STARD10: variants seen among roughly 807,000 people sequenced by gnomAD.
STARD10 encodes START domain-containing protein 10.
A neutral mutation model predicts 36.0 loss-of-function variants in STARD10; 24 were observed. The observed-to-expected ratio is 0.67, with a 90% CI of 0.48 to 0.94. The LOEUF is 0.94. Ranked by LOEUF, STARD10 falls within the 40% of genes least tolerant of loss-of-function variation. The pLI is 0.00. For synonymous variants in STARD10, 156 were observed against 161.9 expected, an observed-to-expected ratio of 0.96 and a Z score of 0.28; for missense variants, 335 against 396.6, an observed-to-expected ratio of 0.84 and a Z score of 1.32.
intron 2 of STARD10, among the ~76,000 whole-genome samples, chr11:72,761,781 G>A (rs910503026): frequency 1.3e-5 from 2 of 151,608 alleles, no homozygotes; most frequent in African/African-American, 4.8e-5. Flanking sequence ...AACCTCAATT[G>A]GGGGAAAAAA....
intron 2 of STARD10, chr11:72,766,093 A>G (rs891832500): frequency 1.2e-4 from 18 of 151,810 alleles, no homozygotes; most frequent in Non-Finnish European, 2.5e-4. Context: ...CCCCCTTCTC[A>G]CTACTGCATT....
chr11:72,758,966 T>G (rs1226226684), intron 3 of STARD10, among the ~76,000 whole-genome samples: 1 of 152,134 alleles, frequency 6.6e-6, no homozygotes, highest in Non-Finnish European at 1.5e-5. Flanking sequence ...ATGTGGCATG[T>G]GGGTGGGGGC....
chr11:72,762,013 C>G (rs1302894708), intron 2 of STARD10, among the ~76,000 whole-genome samples: 1 of 145,634 alleles, frequency 6.9e-6, no homozygotes, highest in East Asian at 2.0e-4. Flanking sequence ...GCAACCTACG[C>G]CTCCCGGGTT....
At chr11:72,786,449 C>T (rs768304241) in intron 1 of STARD10, among the ~76,000 whole-genome samples, 16 of 152,286 alleles carry the variant, frequency 1.1e-4, no homozygotes, top group African/African-American at 3.6e-4. Context: ...TTCACAGTGG[C>T]GATAGGTGTT....
chr11:72,789,662 G>A (rs1015504298), intron 1 of STARD10, among the ~76,000 whole-genome samples: 5 of 152,172 alleles, frequency 3.3e-5, no homozygotes, highest in African/African-American at 7.2e-5. Flanking sequence ...TCCCAGGACC[G>A]CGTGAGGACT....
intron 2 of STARD10, chr11:72,780,518 G>A (rs1335314778): frequency 1.5e-4 from 57 of 377,870 alleles, no homozygotes; most frequent in Admixed American, 1.4e-3. Context: ...GTAAGGAATC[G>A]GGTCCTGGGC....
intron 2 of STARD10, among the ~76,000 whole-genome samples, chr11:72,771,594 A>G (rs752826467): frequency 4.6e-5 from 7 of 152,110 alleles, no homozygotes; most frequent in Admixed American, 1.3e-4. Flanking sequence ...AGACTGAGCT[A>G]GGCCTTCTCC....
Position 72,769,197 on chromosome 11 carries a change from A to G in STARD10, c.208-9816T>C, listed in dbSNP as rs139297728. Among the ~76,000 whole-genome samples, 589 of 152,276 alleles carry G rather than the reference A, an allele frequency of 3.9e-3. 3 individuals carry two copies. Among genetic ancestry groups the G allele is most frequent in the African/African-American group, 0.014 (568 of 41,536 alleles). On this transcript the variant is annotated intron_variant, in intron 2 of 6. Transcript: ENST00000334805. Reference sequence around the variant, plus strand: ...TTTAATAGTCCTGACAGTCAAAGAAAAGTAAAGTAAAATTGTACTGAGGTA... The same window carrying G: ...TTTAATAGTCCTGACAGTCAAAGAAGAGTAAAGTAAAATTGTACTGAGGTA...
At chr11:72,779,194 C>T (rs372413064) in intron 2 of STARD10, among the ~76,000 whole-genome samples, 12 of 152,216 alleles carry the variant, frequency 7.9e-5, no homozygotes, top group African/African-American at 2.7e-4. Flanking sequence ...GTGCACTGCC[C>T]GCCTGAAGCC....
chr11:72,780,171 G>GC (rs1457090396), intron 2 of STARD10: 1 of 449,560 alleles, frequency 2.2e-6, no homozygotes, highest in East Asian at 7.0e-5. Flanking sequence ...GTCTTCACGA[G>GC]CCCCTGCCCC....
chr11:72,775,180 G>A (rs545019923), intron 2 of STARD10, among the ~76,000 whole-genome samples: 2 of 152,288 alleles, frequency 1.3e-5, no homozygotes, highest in East Asian at 1.9e-4. Context: ...TTCACAGTGC[G>A]CACATCGCAA....
At chr11:72,757,454 C>T (rs2135607953) in intron 5 of STARD10, among the ~76,000 whole-genome samples, 2 of 152,280 alleles carry the variant, frequency 1.3e-5, no homozygotes, top group South Asian at 2.1e-4. Flanking sequence ...AAGACTAAGG[C>T]CTAGAAAACC....
chr11:72,758,671 T>C (rs1176796768), intron 3 of STARD10, 38 bp from the exon 4 acceptor site: 2 of 1,479,368 alleles, frequency 1.4e-6, no homozygotes, highest in East Asian at 2.3e-5. Flanking sequence ...AGACCACTGG[T>C]CCACCTGCCT....
intron 1 of STARD10, among the ~76,000 whole-genome samples, chr11:72,785,390 C>T (rs1001521971): frequency 4.0e-5 from 6 of 151,654 alleles, no homozygotes; most frequent in Non-Finnish European, 7.4e-5. Flanking sequence ...CATGGTGAAA[C>T]CCCATCTCTA....
chr11:72,788,978 C>T (rs1414080311), intron 1 of STARD10, among the ~76,000 whole-genome samples: 1 of 152,224 alleles, frequency 6.6e-6, no homozygotes, highest in African/African-American at 2.4e-5. Context: ...TCGTCAGCCT[C>T]CTGAGTAGCT....
At chr11:72,776,933 G>A (rs1858936418) in intron 2 of STARD10, among the ~76,000 whole-genome samples, 1 of 152,168 alleles carries the variant, frequency 6.6e-6, no homozygotes, top group Non-Finnish European at 1.5e-5. Flanking sequence ...TCCCAAAGGG[G>A]AAGGGGAGGA....
chr11:72,755,311 T>A, intron 6 of STARD10, 169 bp from the exon 7 acceptor site: 16 of 660,884 alleles, frequency 2.4e-5, no homozygotes, highest in Admixed American at 7.0e-5. Flanking sequence ...CCATTCTTTT[T>A]TTTTTTTTTT....
chr11:72,759,529 C>A, intron 2 of STARD10, 148 bp from the exon 3 acceptor site: 1 of 986,628 alleles, frequency 1.0e-6, no homozygotes, highest in Non-Finnish European at 1.5e-6. Flanking sequence ...TTCCTTCTTG[C>A]CACAAGCCCT....
In STARD10 at chr11:72,757,145, C is replaced by CAAAAA. The variant is rs34839119; in HGVS notation, c.577+617_577+621dup. 1.8e-3 allele frequency among the ~76,000 whole-genome samples: 185 copies of CAAAAA among 102,144 alleles called. 1 individual carries two copies. Among genetic ancestry groups the CAAAAA allele is most frequent in the African/African-American group, 6.3e-3 (173 of 27,458 alleles). The allele number at this position is 102,144 out of a possible 152,430, so 67.0% of individuals were successfully genotyped here. ...GGGAAACAAGAGTGAAACTCTGTCTCAAAAAAAAAAAAAAAAAAAAAATCA... is the reference window on the plus strand; with the variant it reads ...GGGAAACAAGAGTGAAACTCTGTCTCAAAAAAAAAAAAAAAAAAAAAAAAAAATCA... On this transcript the variant is annotated intron_variant, in intron 5 of 6. Coordinates refer to ENST00000334805, the MANE Select transcript of STARD10 (RefSeq NM_006645.3).
Sources: gnomAD v4.1 joint callset for allele counts (sites outside exome capture counted in the v4.1 genomes callset) on GRCh38, gnomAD v4.1.1 for gene constraint, MANE v1.5 for transcripts, NCBI Gene and HGNC (gene_info 2026-07-23, HGNC 2026-07-21) for gene names.